Variants in JADE1 observed in about 807,000 individuals in gnomAD.
JADE1 encodes the protein protein Jade-1.
A neutral mutation model predicts 81.8 loss-of-function variants in JADE1; 14 were observed. The ratio of observed to expected loss-of-function variants is 0.17; its 90% CI spans 0.11 to 0.27. The LOEUF (loss-of-function observed/expected upper bound fraction) is 0.27. JADE1 is among the 10% of genes least tolerant of loss of function. The pLI, the probability that JADE1 is intolerant of heterozygous loss-of-function variation, is 1.00. For synonymous variants in JADE1, 353 were observed against 391.9 expected (o/e 0.90, Z 1.17); for missense variants, 690 against 1,047.9 (o/e 0.66, Z 4.71).
At chr4:128,849,684 T>A (rs1310632725) in intron 5 of JADE1, among the ~76,000 whole-genome samples, 1 of 152,216 alleles carries the variant, frequency 6.6e-6, no homozygotes, top group African/African-American at 2.4e-5. Flanking sequence ...TTTATCTCTG[T>A]CCTGGCTTTC....
intron 1 of JADE1, among the ~76,000 whole-genome samples, chr4:128,816,807 TGAA>T (rs1727075574): frequency 6.6e-6 from 1 of 152,196 alleles, no homozygotes; most frequent in African/African-American, 2.4e-5. Flanking sequence ...AGAGAGCAGT[TGAA>T]GAAAGTTAAT....
intron 2 of JADE1, among the ~76,000 whole-genome samples, chr4:128,836,582 G>C (rs1250487726): frequency 6.6e-6 from 1 of 152,088 alleles, no homozygotes; most frequent in African/African-American, 2.4e-5. Context: ...AACCCGTGTT[G>C]TTCAAGAGGC....
intron 9 of JADE1, chr4:128,864,053 CAG>C (rs1359649069): frequency 1.0e-4 from 99 of 985,056 alleles, no homozygotes; most frequent in South Asian, 1.4e-4. Flanking sequence ...GTATGAGAAA[CAG>C]GGAATAAATC....
intron 5 of JADE1, among the ~76,000 whole-genome samples, chr4:128,850,799 G>A (rs937823637): frequency 2.0e-5 from 3 of 152,150 alleles, no homozygotes; most frequent in Admixed American, 6.5e-5. Flanking sequence ...ATTTATGAAT[G>A]GTTTAAATAA....
intron 8 of JADE1, among the ~76,000 whole-genome samples, chr4:128,859,636 G>C (rs1294259137): frequency 6.6e-6 from 1 of 152,188 alleles, no homozygotes. Context: ...TGCACTGGCA[G>C]GAAACAGGCT....
rs1400225543 is a variant in JADE1, at chr4:128,874,182, T to G, written c.*1920T>G. ...TTAAAAATTAGATTTTTTTTGCATATGAGCAAAAACCTTTTGCTGGATACA... is the reference window on the plus strand; with the variant it reads ...TTAAAAATTAGATTTTTTTTGCATAGGAGCAAAAACCTTTTGCTGGATACA... On this transcript the variant is annotated 3_prime_UTR_variant, in exon 11 of 11. Coordinates refer to ENST00000226319, the MANE Select transcript of JADE1 (RefSeq NM_199320.4). 6.6e-6 allele frequency: 1 copy of G among 152,630 alleles called. No individual in the cohort carries two copies. The highest frequency in any genetic ancestry group is 2.4e-5 in the African/African-American group (1 of 41,456). The allele number at this position is 152,630 out of a possible 1,614,324, so 9.5% of individuals were successfully genotyped here.
intron 1 of JADE1, chr4:128,811,786 CGTTT>C (rs1726419920): frequency 1.3e-5 from 2 of 151,074 alleles, no homozygotes; most frequent in Admixed American, 6.6e-5. Flanking sequence ...CGGCCGCAGG[CGTTT>C]GTTTGTTGGT....
intron 2 of JADE1, among the ~76,000 whole-genome samples, chr4:128,832,495 G>A (rs569731879): frequency 4.6e-5 from 7 of 152,186 alleles, no homozygotes; most frequent in African/African-American, 1.4e-4. Flanking sequence ...GCTCTAGCCC[G>A]TTAGCTTATG....
intron 1 of JADE1, chr4:128,811,326 A>C (rs573975447): frequency 6.6e-6 from 1 of 152,322 alleles, no homozygotes; most frequent in Admixed American, 6.5e-5. Context: ...AGGCAGGTGC[A>C]CGGCACCCGC....
intron 9 of JADE1, chr4:128,863,798 A>G (rs1731568824): frequency 5.1e-6 from 5 of 985,478 alleles, no homozygotes; most frequent in African/African-American, 1.7e-5. Flanking sequence ...TGCCAGCCCG[A>G]CACCTGCTGT....
At chr4:128,825,319 C>T (rs1451573554) in intron 1 of JADE1, among the ~76,000 whole-genome samples, 3 of 152,176 alleles carry the variant, frequency 2.0e-5, no homozygotes, top group Non-Finnish European at 4.4e-5. Flanking sequence ...GGATTACAGG[C>T]GTGAGCCACT....
Position 128,861,902 on chromosome 4 carries a change from C to T in JADE1, c.1180C>T (p.Arg394Trp), listed in dbSNP as rs557650317. The T allele has an allele frequency of 1.7e-5, 28 of 1,614,060 alleles. No individual in the cohort carries two copies. The highest frequency in any genetic ancestry group is 5.3e-5 in the African/African-American group (4 of 75,040). ...QENGAPECSP[R>W]NPLEPFASLE... ...GAATGGGGCCCCTGAGTGTTCCCCC[C>T]GGAATCCGCTGGAGCCCTTTGCCAG... Residue 394 changes from arginine (R) to tryptophan (W), a missense_variant, in exon 9 of 11, where the codon CGG (arginine) becomes TGG (tryptophan). By Grantham distance (101) the Arg-to-Trp change is moderately radical. Transcript: ENST00000226319.
Position 128,861,726 on chromosome 4 carries a change from C to T in JADE1, c.1004C>T (p.Thr335Ile). The T allele has an allele frequency of 6.2e-7, 1 of 1,614,186 alleles. No homozygotes were observed. The highest frequency in any genetic ancestry group is 8.5e-7 in the Non-Finnish European group (1 of 1,180,012). The part of the protein sequence containing the change: ...SIQCSVKNCR[T>I]AFHVTCAFDR... ...CAGTGCTCTGTGAAGAACTGCCGCA[C>T]AGCCTTCCATGTGACCTGTGCTTTT... Residue 335 changes from threonine (T) to isoleucine (I), a missense_variant, in exon 9 of 11, where the codon ACA (threonine) becomes ATA (isoleucine). Transcript: ENST00000226319.
chr4:128,828,703 A>G (rs555997484), intron 1 of JADE1, among the ~76,000 whole-genome samples: 82 of 152,254 alleles, frequency 5.4e-4, no homozygotes, highest in Middle Eastern at 3.4e-3. Context: ...TGCGTTCTTT[A>G]TTTAGTGACT....
At chr4:128,843,404 A>G (rs1326196546) in intron 3 of JADE1, among the ~76,000 whole-genome samples, 1 of 152,172 alleles carries the variant, frequency 6.6e-6, no homozygotes, top group East Asian at 1.9e-4. Context: ...GCTGCTGCCA[A>G]GTCACTGCCA....
At chr4:128,858,865 C>G (rs1731031439) in intron 8 of JADE1, among the ~76,000 whole-genome samples, 1 of 152,166 alleles carries the variant, frequency 6.6e-6, no homozygotes, top group Admixed American at 6.5e-5. Context: ...ACCTCGGCCT[C>G]CCAAAATGCT....
At chr4:128,810,571 A>G (rs983413209) in intron 1 of JADE1, among the ~76,000 whole-genome samples, 5 of 150,976 alleles carry the variant, frequency 3.3e-5, no homozygotes, top group African/African-American at 4.9e-5. Flanking sequence ...GCGTACATAT[A>G]TGAATCCAGA....
intron 8 of JADE1, among the ~76,000 whole-genome samples, chr4:128,861,105 A>C (rs973781974): frequency 1.3e-5 from 2 of 152,246 alleles, no homozygotes; most frequent in African/African-American, 4.8e-5. Context: ...AACTGTGAGT[A>C]GTAGTCATTC....
Position 128,874,633 on chromosome 4 carries a change from G to C in JADE1, c.*2371G>C, listed in dbSNP as rs1732439393. On this transcript the variant is annotated 3_prime_UTR_variant, in exon 11 of 11. Coordinates refer to ENST00000226319, the MANE Select transcript of JADE1 (RefSeq NM_199320.4). ...AGTATAATGATAGCTTTGTGAGTTA[G>C]TTTCATGTCATGCTGGGAACTCTCT... 1.3e-5 allele frequency: 2 copies of C among 152,590 alleles called. No homozygotes were observed. Among genetic ancestry groups the C allele is most frequent in the Admixed American group, 6.5e-5 (1 of 15,280 alleles). 9.5% of individuals were successfully genotyped at this position (152,590 alleles called of 1,614,324 possible).
Sources: allele counts gnomAD v4.1 joint callset (sites outside exome capture counted in the v4.1 genomes callset), GRCh38; gene constraint gnomAD v4.1.1; transcripts MANE v1.5; gene names NCBI Gene and HGNC (gene_info 2026-07-23, HGNC 2026-07-21).